ST6GALNAC2: variants seen among roughly 807,000 people sequenced by gnomAD.
ST6GALNAC2 encodes alpha-N-acetylgalactosaminide alpha-2,6-sialyltransferase 2.
Under a neutral mutation model 38.7 loss-of-function variants are expected in ST6GALNAC2, and 42 were observed. That is an observed-to-expected ratio of 1.09 (90% CI 0.85 to 1.40). The LOEUF is 1.40. Ranked by LOEUF, ST6GALNAC2 falls within the 40% of genes most tolerant of loss-of-function variation. ST6GALNAC2 has a pLI of 0.00. For synonymous variants in ST6GALNAC2, 233 were observed against 209.0 expected (o/e 1.11, Z -0.99); for missense variants, 506 against 481.7 (o/e 1.05, Z -0.47).
chr17:76,577,809 G>A (rs967581750), intron 2 of ST6GALNAC2, among the ~76,000 whole-genome samples: 2 of 151,996 alleles, frequency 1.3e-5, no homozygotes, highest in Admixed American at 1.3e-4. Context: ...CTGAACTCAG[G>A]CAATCTGCCC....
chr17:76,574,682 T>C, intron 2 of ST6GALNAC2, 143 bp from the exon 3 acceptor site: 1 of 686,764 alleles, frequency 1.5e-6, no homozygotes, highest in Non-Finnish European at 2.3e-6. Context: ...TGCATTTTTT[T>C]TTTTCTTTTT....
At chr17:76,580,743 G>A (rs1292124520) in intron 1 of ST6GALNAC2, among the ~76,000 whole-genome samples, 19 of 151,616 alleles carry the variant, frequency 1.3e-4, no homozygotes, top group Admixed American at 1.2e-3. Context: ...GTGAAAGTTT[G>A]TCTCAAAAAG....
chr17:76,572,505 G>T, intron 5 of ST6GALNAC2, 132 bp downstream of exon 5: 1 of 1,072,958 alleles, frequency 9.3e-7, no homozygotes, highest in Non-Finnish European at 1.3e-6. Flanking sequence ...GCTGTATCTT[G>T]CATCCAGAAT....
Position 76,567,454 on chromosome 17 carries a change from T to A in ST6GALNAC2, c.956A>T (p.Gln319Leu). ...CTTCTGGAAGAGAAGGCCTCTTACC[T>A]GGTCACAGGTATGCAAAGCTGTCAG... ...MLLTALHTCD[Q>L]VSAYGFITSN... Residue 319 changes from glutamine (Q) to leucine (L), a missense_variant and splice_region_variant, in exon 8 of 9, where the codon CAG becomes CTG. Transcript: ENST00000225276. 1 of 1,612,178 alleles carries A rather than the reference T, an allele frequency of 6.2e-7. No individual in the cohort carries two copies. Among genetic ancestry groups the A allele is most frequent in the Non-Finnish European group, 8.5e-7 (1 of 1,178,394 alleles).
At chr17:76,568,396 C>CCTGCTGCTGCCGGCGCCA in intron 7 of ST6GALNAC2, 1 of 367,124 alleles carries the variant, frequency 2.7e-6, no homozygotes. Context: ...GTTCTGATGC[C>CCTGCTGCTGCCGGCGCCA]CTGCTGCTGA....
intron 6 of ST6GALNAC2, 119 bp downstream of exon 6, chr17:76,570,446 T>C (rs1340506325): frequency 3.1e-6 from 2 of 647,440 alleles, no homozygotes; most frequent in Non-Finnish European, 5.5e-6. Context: ...AGGGCTGTTC[T>C]TACTGCCCTT....
chr17:76,570,354 G>A, intron 6 of ST6GALNAC2: 1 of 549,596 alleles, frequency 1.8e-6, no homozygotes. Flanking sequence ...AACCCGGAGG[G>A]TCACCTGGGC....
At chr17:76,582,686 C>T (rs772367025) in intron 1 of ST6GALNAC2, among the ~76,000 whole-genome samples, 4 of 152,220 alleles carry the variant, frequency 2.6e-5, no homozygotes, top group Non-Finnish European at 4.4e-5. Flanking sequence ...AAAGAGCCCT[C>T]TCCTTGGGCT....
In ST6GALNAC2 at chr17:76,570,600, G is replaced by T. The variant is rs1365702976; in HGVS notation, c.738C>A (p.Gly246=). The change falls in exon 6 of 9, where the codon GGC becomes GGA. Residue 246 remains glycine, a synonymous_variant. Transcript: ENST00000225276. The part of the protein sequence containing the change: ...DYVMLRSAIL[G]VPVPEGLDKG... The stretch of plus-strand genomic sequence containing the variant: ...TATCTAGGCCCTCAGGGACAGGCAC[G>T]CCCAGAATGGCCGATCTCAGCATCA... The T allele has an allele frequency of 6.2e-7, 1 of 1,613,010 alleles. No homozygotes were observed. Among genetic ancestry groups the T allele is most frequent in the East Asian group, 2.2e-5 (1 of 44,874 alleles).
At chr17:76,579,064 C>T (rs2075448213) in intron 1 of ST6GALNAC2, 2 of 271,376 alleles carry the variant, frequency 7.4e-6, no homozygotes, top group Non-Finnish European at 1.4e-5. Flanking sequence ...GGATTACAGG[C>T]ATGCGCCACC....
At position 76,585,722 on chromosome 17, in the gene ST6GALNAC2, C is replaced by T. The variant is rs1268606189; in HGVS notation, c.87G>A (p.Ser29=). 1 of 1,538,760 alleles carries T rather than the reference C, an allele frequency of 6.5e-7. No homozygotes were observed. The highest frequency in any genetic ancestry group is 8.7e-7 in the Non-Finnish European group (1 of 1,145,174). The change falls in exon 1 of 9, where the codon TCG becomes TCA. Residue 29 remains serine (S), a synonymous_variant. Coordinates refer to ENST00000225276, the MANE Select transcript of ST6GALNAC2 (RefSeq NM_006456.3). The stretch of plus-strand genomic sequence containing the variant: ...CTGGCCCCGGGTACCGCTGCACCGC[C>T]GAGAAGTACAGGGCAAAGAGGAGCC... The part of the protein sequence containing the change: ...CSGLLFALYF[S]AVQRYPGPAA...
chr17:76,578,742 G>A lies in ST6GALNAC2; in HGVS notation c.186+14C>T, dbSNP rs1311955423. ...GGGTGCTCAAAACTGCCACAGGGTA[G>A]TCGACCACTCTACCTTTCCTGTCCA... On this transcript the variant is annotated intron_variant, in intron 2 of 8. Transcript: ENST00000225276. The A allele has an allele frequency of 6.2e-7, 1 of 1,611,792 alleles. No individual in the cohort carries two copies. The highest frequency in any genetic ancestry group is 1.3e-5 in the African/African-American group (1 of 74,794).
chr17:76,584,760 T>C (rs1405674253), intron 1 of ST6GALNAC2, among the ~76,000 whole-genome samples: 2 of 152,190 alleles, frequency 1.3e-5, no homozygotes, highest in Non-Finnish European at 2.9e-5. Context: ...ACTTATTTTG[T>C]TTTCATCCCG....
chr17:76,577,640 A>T (rs1218326969), intron 2 of ST6GALNAC2, among the ~76,000 whole-genome samples: 1 of 143,824 alleles, frequency 7.0e-6, no homozygotes, highest in Non-Finnish European at 1.5e-5. Context: ...CAGTGGCACG[A>T]TCTCAGCTCA....
intron 6 of ST6GALNAC2, chr17:76,569,772 G>A (rs1293220985): frequency 4.5e-6 from 1 of 220,936 alleles, no homozygotes; most frequent in Non-Finnish European, 7.9e-6. Context: ...ATCACCAAGC[G>A]GGGGTGGGGT....
chr17:76,582,147 G>A (rs768671151), intron 1 of ST6GALNAC2, among the ~76,000 whole-genome samples: 1 of 147,870 alleles, frequency 6.8e-6, no homozygotes, highest in Admixed American at 6.8e-5. Context: ...TTACAAGCGT[G>A]AGCCACCGTG....
Position 76,573,064 on chromosome 17 carries a change from T to C in ST6GALNAC2, c.530+131A>G, listed in dbSNP as rs935879110. The C allele has an allele frequency of 1.8e-5, 19 of 1,049,168 alleles. No homozygotes were observed. Among genetic ancestry groups the C allele is most frequent in the Non-Finnish European group, 2.3e-5 (17 of 738,636 alleles). The allele number at this position is 1,049,168 out of a possible 1,614,324, so 65.0% of individuals were successfully genotyped here. ...CTACTGTTTGTTTTTGCCTTGTCCA[T>C]GCCCGTGTGCTGGTCACAACTGCTG... On this transcript the variant is annotated intron_variant, in intron 4 of 8. Coordinates refer to ENST00000225276, the MANE Select transcript of ST6GALNAC2 (RefSeq NM_006456.3). This position sits in a 1 kb window ranked among gnomAD's most constrained non-coding sequence, Gnocchi z 5.1.
chr17:76,570,439 G>C (rs1342298652), intron 6 of ST6GALNAC2, 126 bp downstream of exon 6: 2 of 635,752 alleles, frequency 3.1e-6, no homozygotes, highest in Non-Finnish European at 5.6e-6. Flanking sequence ...AATTCTTAGG[G>C]CTGTTCTTAC....
chr17:76,573,170 C>T lies in ST6GALNAC2; in HGVS notation c.530+25G>A, dbSNP rs1348529537. 16 of 1,585,952 alleles carry T rather than the reference C, an allele frequency of 1.0e-5. No homozygotes were observed. The highest frequency in any genetic ancestry group is 1.4e-5 in the Non-Finnish European group (16 of 1,162,982). On this transcript the variant is annotated intron_variant, in intron 4 of 8. Transcript: ENST00000225276. The surrounding 1 kb of genome is among the most constrained non-coding windows in gnomAD (Gnocchi z 5.1). Reference sequence around the variant, plus strand: ...CCTCCAGGCAACTCTCCCTCCCGCCCCTCCCCAGCTCCTACCCCTCATACC... The same window carrying T: ...CCTCCAGGCAACTCTCCCTCCCGCCTCTCCCCAGCTCCTACCCCTCATACC...
Sources: allele counts gnomAD v4.1 joint callset (sites outside exome capture counted in the v4.1 genomes callset), GRCh38; gene constraint gnomAD v4.1.1; non-coding constraint Gnocchi (gnomAD v3.1); transcripts MANE v1.5; gene names NCBI Gene and HGNC (gene_info 2026-07-23, HGNC 2026-07-21).